Variants in ASXL1 observed in about 807,000 individuals in gnomAD.
ASXL1 encodes ASXL transcriptional regulator 1, also known as polycomb group protein ASXL1.
Under a neutral mutation model 89.1 loss-of-function variants are expected in ASXL1, and 65 were observed. The observed-to-expected ratio is 0.73, with a 90% CI of 0.60 to 0.90. ASXL1 has a LOEUF of 0.90. Among genes scored for constraint, ASXL1 ranks in the 40% least tolerant of loss-of-function variants. The probability of loss-of-function intolerance (pLI) is 0.00; values close to 1 mark genes in which losing one functional copy is unlikely to be tolerated. For synonymous variants in ASXL1, 739 were observed against 746.9 expected (o/e 0.99, Z 0.17); for missense variants, 1,786 against 1,942.9 (o/e 0.92, Z 1.52).
rs578092988 is a variant in ASXL1, at chr20:32,358,902, TG to T, written c.57+78del. 684 of 1,305,458 alleles carry T rather than the reference TG, an allele frequency of 5.2e-4. 5 individuals are homozygous for T. The South Asian group carries it at 5.9e-3, about 11-fold the overall frequency. 80.9% of individuals were successfully genotyped at this position (1,305,458 alleles called of 1,614,324 possible). The stretch of plus-strand genomic sequence containing the variant: ...GGGGGCTCGCCGCGCACCCCCCCAC[TG>T]GGGGGGGAGGGGCAAGGCCCTGCCC... On this transcript the variant is annotated intron_variant, in intron 1 of 12. Coordinates refer to ENST00000375687, the MANE Select transcript of ASXL1 (RefSeq NM_015338.6).
chr20:32,372,754 C>T (rs999664651), intron 4 of ASXL1, among the ~76,000 whole-genome samples: 3 of 151,806 alleles, frequency 2.0e-5, no homozygotes, highest in African/African-American at 4.8e-5. Context: ...ACCACCATAC[C>T]TGGCCAATTT....
In ASXL1 at chr20:32,437,417, T is replaced by C; in HGVS notation, c.*79T>C. 1 of 1,573,326 alleles carries C rather than the reference T, an allele frequency of 6.4e-7. No individual in the cohort carries two copies. Among genetic ancestry groups the C allele is most frequent in the Non-Finnish European group, 8.7e-7 (1 of 1,144,210 alleles). ...ATTGATCTTAAATCTGTATACAGAA[T>C]ATCATTGATATAATACTCTTTAGGC... On this transcript the variant is annotated 3_prime_UTR_variant, in exon 13 of 13. Coordinates refer to ENST00000375687, the MANE Select transcript of ASXL1 (RefSeq NM_015338.6).
intron 4 of ASXL1, among the ~76,000 whole-genome samples, chr20:32,386,215 T>C (rs1217532916): frequency 6.6e-6 from 1 of 152,196 alleles, no homozygotes; most frequent in Non-Finnish European, 1.5e-5. Flanking sequence ...ATAAAGGCAG[T>C]GGAAAAACAC....
Position 32,428,264 on chromosome 20 carries a change from T to G in ASXL1, c.373+16T>G, listed in dbSNP as rs2145009. 429 of 1,614,196 alleles carry G rather than the reference T, an allele frequency of 2.7e-4. 1 individual carries two copies. In the African/African-American group the frequency reaches 4.9e-3, roughly 18 times the overall value. Reference sequence around the variant, plus strand: ...GAAAACGATGGTAAGGACCCTTTAATGGATGGGTGAGGGAGCCACAGCAGG... The same window carrying G: ...GAAAACGATGGTAAGGACCCTTTAAGGGATGGGTGAGGGAGCCACAGCAGG... On this transcript the variant is annotated intron_variant, in intron 5 of 12. Transcript: ENST00000375687.
intron 1 of ASXL1, among the ~76,000 whole-genome samples, chr20:32,361,746 C>G (rs180756612): frequency 1.3e-5 from 2 of 151,740 alleles, no homozygotes; most frequent in Admixed American, 1.3e-4. Flanking sequence ...TTGAATGGGA[C>G]TGGATGGTAG....
intron 4 of ASXL1, among the ~76,000 whole-genome samples, chr20:32,383,498 G>A (rs1452320665): frequency 6.6e-6 from 1 of 151,932 alleles, no homozygotes; most frequent in Non-Finnish European, 1.5e-5. Flanking sequence ...TAATAGAGAC[G>A]GGGTTTCACT....
intron 4 of ASXL1, among the ~76,000 whole-genome samples, chr20:32,377,198 GTATAT>G (rs1229227208): frequency 7.1e-6 from 1 of 141,440 alleles, no homozygotes; most frequent in Non-Finnish European, 1.5e-5. Flanking sequence ...ATATATCTAT[GTATAT>G]TATATCACCT....
rs1158922559 is a variant in ASXL1, at chr20:32,434,864, A to C, written c.2152A>C (p.Arg718=). The C allele has an allele frequency of 6.2e-7, 1 of 1,614,054 alleles. No homozygotes were observed. The highest frequency in any genetic ancestry group is 8.5e-7 in the Non-Finnish European group (1 of 1,180,028). The part of the protein sequence containing the change: ...QAGTAMSRAR[R]EDLPSLRKEE... ...CGGAACTGCCATGTCCAGAGCTAGG[A>C]GAGAGGACCTGCCTTCTCTGAGAAA... The change falls in exon 13 of 13, where the codon AGA becomes CGA. Residue 718 remains arginine (R), a synonymous_variant. Transcript: ENST00000375687.
intron 4 of ASXL1, among the ~76,000 whole-genome samples, chr20:32,416,957 G>A (rs1480406604): frequency 6.6e-6 from 1 of 152,102 alleles, no homozygotes; most frequent in East Asian, 1.9e-4. Flanking sequence ...TCCTGATACA[G>A]ATCTATAGTC....
At chr20:32,371,228 C>G (rs181966947) in intron 4 of ASXL1, among the ~76,000 whole-genome samples, 1 of 152,040 alleles carries the variant, frequency 6.6e-6, no homozygotes, top group African/African-American at 2.4e-5. Flanking sequence ...TAAATGATAG[C>G]CTTTATGATG....
chr20:32,418,809 CTTTTTTTTTTTTTTTTTTTTT>C (rs71338437), intron 4 of ASXL1, among the ~76,000 whole-genome samples: 60 of 55,746 alleles, frequency 1.1e-3, no homozygotes, highest in South Asian at 4.3e-3. Context: ...GAATTGACAT[CTTTTTTTTTTTTTTTTTTTTT>C]TTTTTTTTTT....
chr20:32,369,077 GGTT>G lies in ASXL1; in HGVS notation c.210_212del (p.Leu70del), dbSNP rs1429951863. 4.8e-5 allele frequency: 78 copies of G among 1,613,916 alleles called. No individual in the cohort carries two copies. Among genetic ancestry groups the G allele is most frequent in the Non-Finnish European group, 6.0e-5 (71 of 1,179,994 alleles). ...CATTCCAATTCAAGAGGAGGAGAGGGGTTGTTTTATAAACTGCCTGGCCGAATC... is the reference window on the plus strand; with the variant it reads ...CATTCCAATTCAAGAGGAGGAGAGGGGTTTTATAAACTGCCTGGCCGAATC... On this transcript the variant is annotated inframe_deletion, in exon 4 of 13. Coordinates refer to ENST00000375687, the MANE Select transcript of ASXL1 (RefSeq NM_015338.6).
chr20:32,369,741 T>TA (rs1555901205), intron 4 of ASXL1, among the ~76,000 whole-genome samples: 2,421 of 117,800 alleles, frequency 0.021, 57 homozygotes, highest in African/African-American at 0.067. Context: ...TTTTTTTTTT[T>TA]ATTCTGAGAT....
At chr20:32,375,694 G>T (rs6141297) in intron 4 of ASXL1, among the ~76,000 whole-genome samples, 54,698 of 148,886 alleles carry the variant, frequency 0.37, 10,674 homozygotes, top group East Asian at 0.74. Context: ...GTTTTGTTTT[G>T]TTTTTTGAGA....
intron 4 of ASXL1, among the ~76,000 whole-genome samples, chr20:32,400,384 A>G (rs1263228679): frequency 6.6e-6 from 1 of 151,952 alleles, no homozygotes; most frequent in African/African-American, 2.4e-5. Flanking sequence ...TCACTTGAAA[A>G]CCGTTGATTC....
intron 4 of ASXL1, among the ~76,000 whole-genome samples, chr20:32,419,538 A>G (rs1370933960): frequency 6.6e-6 from 1 of 151,896 alleles, no homozygotes; most frequent in Non-Finnish European, 1.5e-5. Context: ...ATAAAGTTTT[A>G]TGTTTTCTTC....
At chr20:32,373,993 T>C (rs2048339201) in intron 4 of ASXL1, among the ~76,000 whole-genome samples, 1 of 152,224 alleles carries the variant, frequency 6.6e-6, no homozygotes, top group African/African-American at 2.4e-5. Context: ...ACATGTCTTA[T>C]ATATGTGTAT....
intron 4 of ASXL1, chr20:32,371,896 C>T: frequency 2.6e-6 from 1 of 381,728 alleles, no homozygotes; most frequent in South Asian, 2.0e-5. Flanking sequence ...CATACCTGGC[C>T]CTCTATTATC....
intron 6 of ASXL1, 113 bp downstream of exon 6, chr20:32,428,535 G>T: frequency 9.7e-7 from 1 of 1,034,182 alleles, no homozygotes; most frequent in Non-Finnish European, 1.5e-6. Context: ...AAGAATAGAA[G>T]TCTGGTCTCC....
Sources: gnomAD v4.1 joint callset for allele counts (sites outside exome capture counted in the v4.1 genomes callset) on GRCh38, gnomAD v4.1.1 for gene constraint, MANE v1.5 for transcripts, NCBI Gene and HGNC (gene_info 2026-07-23, HGNC 2026-07-21) for gene names.